The following ZFAND6 variants were observed in gnomAD, a reference collection of about 807,000 sequenced individuals.
The protein encoded by ZFAND6 is AN1-type zinc finger protein 6.
A neutral mutation model predicts 24.5 loss-of-function variants in ZFAND6; 12 were observed. That is an observed-to-expected ratio of 0.49 (90% CI 0.31 to 0.79). The LOEUF (loss-of-function observed/expected upper bound fraction) is 0.79, where lower values mean the gene tolerates loss of function less well. Among genes scored for constraint, ZFAND6 ranks in the 30% least tolerant of loss-of-function variants. The pLI is 0.04. For missense variants in ZFAND6, 207 were observed against 245.9 expected (o/e 0.84, Z 1.06); for synonymous variants, 92 against 81.5 (o/e 1.13, Z -0.69).
intron 1 of ZFAND6, among the ~76,000 whole-genome samples, chr15:80,075,549 G>T (rs1171993960): frequency 2.0e-5 from 3 of 152,062 alleles, no homozygotes; most frequent in South Asian, 2.1e-4. Flanking sequence ...GTCAAGATAT[G>T]AAAAGTGATG....
At chr15:80,059,225 G>A (rs1308478127), upstream of ZFAND6, among the ~76,000 whole-genome samples, 4 of 152,244 alleles carry the variant, frequency 2.6e-5, no homozygotes, top group Non-Finnish European at 5.9e-5. Flanking sequence ...TCCTGCACAA[G>A]TGGCAGGTGG....
At chr15:80,073,887 T>C (rs2037118466) in intron 1 of ZFAND6, among the ~76,000 whole-genome samples, 1 of 151,948 alleles carries the variant, frequency 6.6e-6, no homozygotes, top group Admixed American at 6.6e-5. Context: ...TTTTTCGTCA[T>C]TTTTAATAGT....
At chr15:80,134,522 C>A (rs2040767520) in intron 6 of ZFAND6, among the ~76,000 whole-genome samples, 1 of 152,184 alleles carries the variant, frequency 6.6e-6, no homozygotes, top group African/African-American at 2.4e-5. Flanking sequence ...ATTGAAGATA[C>A]CATTATTGTT....
intron 2 of ZFAND6, among the ~76,000 whole-genome samples, chr15:80,115,627 GTCTT>G (rs1434751677): frequency 6.6e-6 from 1 of 151,496 alleles, no homozygotes; most frequent in African/African-American, 2.4e-5. Flanking sequence ...GTCTTTTTCA[GTCTT>G]TCTGACTCTT....
At chr15:80,088,748 AC>A (rs2038158846) in intron 1 of ZFAND6, among the ~76,000 whole-genome samples, 1 of 152,116 alleles carries the variant, frequency 6.6e-6, no homozygotes, top group Non-Finnish European at 1.5e-5. Flanking sequence ...AAATTCTGTT[AC>A]GTGTGCTGTA....
At chr15:80,079,775 C>T (rs889797919) in intron 1 of ZFAND6, among the ~76,000 whole-genome samples, 3 of 150,560 alleles carry the variant, frequency 2.0e-5, no homozygotes, top group Non-Finnish European at 4.4e-5. Flanking sequence ...TTAGCCTCCC[C>T]GAGTAGCTGG....
At chr15:80,106,580 A>T (rs554168018) in intron 2 of ZFAND6, among the ~76,000 whole-genome samples, 1 of 146,818 alleles carries the variant, frequency 6.8e-6, no homozygotes, top group Non-Finnish European at 1.5e-5. Flanking sequence ...CAGTATGTTA[A>T]ATTTGTTTTT....
At chr15:80,085,814 T>C (rs2037961037) in intron 1 of ZFAND6, among the ~76,000 whole-genome samples, 1 of 152,176 alleles carries the variant, frequency 6.6e-6, no homozygotes, top group Non-Finnish European at 1.5e-5. Flanking sequence ...TAATGACATG[T>C]TGGTCAGTGA....
intron 1 of ZFAND6, among the ~76,000 whole-genome samples, chr15:80,062,896 C>G (rs1211631064): frequency 6.6e-6 from 1 of 152,166 alleles, no homozygotes; most frequent in African/African-American, 2.4e-5. Flanking sequence ...TAAACACTCT[C>G]AGCCTGGCTC....
intron 1 of ZFAND6, among the ~76,000 whole-genome samples, chr15:80,065,536 G>GTTTTTTTTTTTTTT (rs1341209807): frequency 3.5e-5 from 3 of 84,962 alleles, no homozygotes; most frequent in Non-Finnish European, 4.8e-5. Context: ...TTTTGGTTTT[G>GTTTTTTTTTTTTTT]ATTTTTTTTT....
At chr15:80,121,989 T>TG (rs2040167582) in intron 4 of ZFAND6, among the ~76,000 whole-genome samples, 169 bp downstream of exon 4, 1 of 152,242 alleles carries the variant, frequency 6.6e-6, no homozygotes, top group Non-Finnish European at 1.5e-5. Flanking sequence ...GCTTTTACCT[T>TG]GAGGGATCGG....
intron 1 of ZFAND6, among the ~76,000 whole-genome samples, chr15:80,095,413 A>G (rs557657758): frequency 6.6e-6 from 1 of 152,354 alleles, no homozygotes; most frequent in South Asian, 2.1e-4. Context: ...GATACCTGCC[A>G]GGTTCCTCTA....
intron 1 of ZFAND6, among the ~76,000 whole-genome samples, chr15:80,070,996 A>C (rs1324911975): frequency 6.6e-6 from 1 of 152,208 alleles, no homozygotes; most frequent in Non-Finnish European, 1.5e-5. Context: ...GGCATTCAAA[A>C]CAGTGAATCC....
intron 6 of ZFAND6, 29 bp downstream of exon 6, chr15:80,131,322 TA>T: frequency 1.3e-6 from 2 of 1,582,080 alleles, no homozygotes; most frequent in Non-Finnish European, 1.7e-6. Context: ...TGTTTAAAAT[TA>T]AAATGATGTT....
In ZFAND6 at chr15:80,121,182, A is replaced by T. The variant is rs189349423; in HGVS notation, c.155-530A>T. Among the ~76,000 whole-genome samples the T allele has an allele frequency of 1.2e-4, 19 of 152,324 alleles. No homozygotes were observed. In the East Asian group the frequency reaches 3.7e-3, roughly 29 times the overall value. On this transcript the variant is annotated intron_variant, in intron 3 of 6. Transcript: ENST00000261749. ...TTAATGAAAGTGTAGGCTATTACTTAGTTCATTTAATATTGTGTGTGAGAT... is the reference window on the plus strand; with the variant it reads ...TTAATGAAAGTGTAGGCTATTACTTTGTTCATTTAATATTGTGTGTGAGAT...
At position 80,101,630 on chromosome 15, in the gene ZFAND6, C is replaced by A. The variant is rs1596265439; in HGVS notation, c.-18+3052C>A. ...CACTAGGTAATGTATTTGCATTAAA[C>A]ATGACATTTATTGATGACACAATTC... On this transcript the variant is annotated intron_variant, in intron 2 of 6. Coordinates refer to ENST00000261749, the MANE Select transcript of ZFAND6 (RefSeq NM_019006.4). Among the ~76,000 whole-genome samples, 3 of 152,130 alleles carry A rather than the reference C, an allele frequency of 2.0e-5. No individual in the cohort carries two copies. In the South Asian group the frequency reaches 6.2e-4, roughly 32 times the overall value.
chr15:80,083,280 C>T (rs763545224), intron 1 of ZFAND6, among the ~76,000 whole-genome samples: 6 of 152,068 alleles, frequency 3.9e-5, no homozygotes, highest in Non-Finnish European at 5.9e-5. Flanking sequence ...CATGAGCCAC[C>T]GCACCTGGCC....
intron 1 of ZFAND6, among the ~76,000 whole-genome samples, chr15:80,061,778 A>C (rs1021389012): frequency 6.6e-6 from 1 of 152,182 alleles, no homozygotes; most frequent in African/African-American, 2.4e-5. Flanking sequence ...CTCTTGGTAC[A>C]CAAGTACAAG....
At chr15:80,079,721 C>CCAG (rs2037532928) in intron 1 of ZFAND6, among the ~76,000 whole-genome samples, 1 of 139,664 alleles carries the variant, frequency 7.2e-6, no homozygotes, top group Non-Finnish European at 1.5e-5. Flanking sequence ...GCAAACTTGG[C>CCAG]TCACTGCAAG....
Sources: gnomAD v4.1 joint callset for allele counts (sites outside exome capture counted in the v4.1 genomes callset) on GRCh38, gnomAD v4.1.1 for gene constraint, MANE v1.5 for transcripts, NCBI Gene and HGNC (gene_info 2026-07-23, HGNC 2026-07-21) for gene names.